CNGB1: variants seen among roughly 807,000 people sequenced by gnomAD.
CNGB1 encodes cyclic nucleotide-gated channel beta-1.
Under a neutral mutation model 151.7 loss-of-function variants are expected in CNGB1, and 126 were observed. That is an observed-to-expected ratio of 0.83 (90% CI 0.72 to 0.96). CNGB1 has a LOEUF of 0.96. Ranked by LOEUF, CNGB1 falls within the 40% of genes least tolerant of loss-of-function variation. CNGB1 has a pLI of 0.00. For synonymous variants in CNGB1, 623 were observed against 635.1 expected, an observed-to-expected ratio of 0.98 and a Z score of 0.29; for missense variants, 1,698 against 1,627.0, an observed-to-expected ratio of 1.04 and a Z score of -0.75.
intron 17 of CNGB1, among the ~76,000 whole-genome samples, chr16:57,928,625 A>G (rs1253053071): frequency 6.6e-6 from 1 of 152,070 alleles, no homozygotes; most frequent in African/African-American, 2.4e-5. Flanking sequence ...TGGTGTTTCC[A>G]TTATATTATC....
intron 17 of CNGB1, among the ~76,000 whole-genome samples, chr16:57,929,475 G>GA (rs1567382253): frequency 2.0e-4 from 25 of 126,418 alleles, no homozygotes; most frequent in African/African-American, 8.0e-4. Context: ...AAGAGAGAGA[G>GA]GGAGAGAGAG....
At chr16:57,941,357 C>T (rs1382182672) in intron 14 of CNGB1, among the ~76,000 whole-genome samples, 1 of 152,208 alleles carries the variant, frequency 6.6e-6, no homozygotes, top group African/African-American at 2.4e-5. Flanking sequence ...ATGCATCATT[C>T]TCTACCCAGA....
At position 57,903,808 on chromosome 16, in the gene CNGB1, C is replaced by T. The variant is rs184150317; in HGVS notation, c.2794+14G>A. 185 of 1,613,852 alleles carry T rather than the reference C, an allele frequency of 1.1e-4. 1 individual carries two copies. Among genetic ancestry groups the T allele is most frequent in the African/African-American group, 2.9e-4 (22 of 75,048 alleles). On this transcript the variant is annotated intron_variant, in intron 27 of 32. Coordinates refer to ENST00000251102, the MANE Select transcript of CNGB1 (RefSeq NM_001297.5). ...GACTGGGAGCTGGTGGCTGCCAGGG[C>T]GTGACCATCTTACCCAGCATGCCTT...
chr16:57,951,731 C>G (rs1961953026), intron 12 of CNGB1, among the ~76,000 whole-genome samples: 1 of 152,184 alleles, frequency 6.6e-6, no homozygotes, highest in African/African-American at 2.4e-5. Flanking sequence ...ATTTGCATCC[C>G]CATTTTATTT....
rs549756265 is a variant in CNGB1, at chr16:57,926,751, G to A, written c.1536-3371C>T. 7.9e-5 allele frequency among the ~76,000 whole-genome samples: 12 copies of A among 152,202 alleles called. No homozygotes were observed. In the South Asian group the frequency reaches 1.0e-3, roughly 13 times the overall value. On this transcript the variant is annotated intron_variant, in intron 17 of 32. Coordinates refer to ENST00000251102, the MANE Select transcript of CNGB1 (RefSeq NM_001297.5). ...TCCCAACACTTTGGGAGGCTGAGGC[G>A]GGCAGATCACTTGAGGTCAGGAGTT...
intron 13 of CNGB1, 56 bp from the exon 14 acceptor site, chr16:57,949,495 T>A: frequency 6.2e-7 from 1 of 1,610,010 alleles, no homozygotes; most frequent in Non-Finnish European, 8.5e-7. Context: ...CCGCTGAGTC[T>A]ACCTCCTGCC....
intron 12 of CNGB1, among the ~76,000 whole-genome samples, chr16:57,955,856 G>T (rs1367000054): frequency 1.3e-5 from 2 of 152,172 alleles, no homozygotes; most frequent in Non-Finnish European, 2.9e-5. Flanking sequence ...AGCCCCAGGA[G>T]GAGCCAACCC....
At chr16:57,932,831 C>T (rs1397195063) in intron 16 of CNGB1, among the ~76,000 whole-genome samples, 1 of 152,200 alleles carries the variant, frequency 6.6e-6, no homozygotes, top group Admixed American at 6.5e-5. Context: ...CCACCTGCCT[C>T]GGCCTCCCAA....
Position 57,897,486 on chromosome 16 carries a change from A to G in CNGB1, c.3153T>C (p.Phe1051=). ...RRTANVVAHG[F]TNLFILDKKD... is the part of the protein sequence containing the mutation. ...TCTTATCCAGGATGAAGAGGTTGGT[A>G]AACCCGTGCGCCACCACGTTGGCCG... is the stretch of plus-strand genomic sequence containing the variant. The change falls in exon 31 of 33, where the codon TTT becomes TTC. Residue 1051 remains phenylalanine, a synonymous_variant. Coordinates refer to ENST00000251102, the MANE Select transcript of CNGB1 (RefSeq NM_001297.5). The G allele has an allele frequency of 6.2e-7, 1 of 1,614,212 alleles. No homozygotes were observed. The highest frequency in any genetic ancestry group is 8.5e-7 in the Non-Finnish European group (1 of 1,180,036).
chr16:57,940,955 G>A (rs1961652529), intron 14 of CNGB1, among the ~76,000 whole-genome samples: 2 of 152,214 alleles, frequency 1.3e-5, no homozygotes, highest in African/African-American at 4.8e-5. Context: ...TGGGCAGGGA[G>A]GGCTGTGGCA....
chr16:57,948,077 C>G (rs1325425857), intron 14 of CNGB1, among the ~76,000 whole-genome samples: 1 of 152,136 alleles, frequency 6.6e-6, no homozygotes, highest in African/African-American at 2.4e-5. Context: ...CCATGGTGGT[C>G]AGAGACACAG....
chr16:57,917,764 C>T (rs1215023788), intron 20 of CNGB1, among the ~76,000 whole-genome samples: 1 of 151,030 alleles, frequency 6.6e-6, no homozygotes, highest in Non-Finnish European at 1.5e-5. Flanking sequence ...GAGTTTAAGA[C>T]CAGCCTGGAC....
chr16:57,908,962 C>T (rs437947), intron 25 of CNGB1, among the ~76,000 whole-genome samples: 4 of 152,106 alleles, frequency 2.6e-5, no homozygotes, highest in South Asian at 2.1e-4. Context: ...GGCAGGGGAG[C>T]GAGTGTCGCC....
intron 14 of CNGB1, among the ~76,000 whole-genome samples, chr16:57,948,540 T>A (rs1440060168): frequency 6.6e-6 from 1 of 151,988 alleles, no homozygotes; most frequent in East Asian, 1.9e-4. Context: ...CCTCAGTCCT[T>A]TTTGGTTCCT....
intron 16 of CNGB1, among the ~76,000 whole-genome samples, chr16:57,935,797 T>C (rs1961493578): frequency 6.6e-6 from 1 of 150,844 alleles, no homozygotes; most frequent in South Asian, 2.1e-4. Context: ...ATGATAGGGG[T>C]GGGCTGCTTT....
chr16:57,924,094 C>A (rs2149368367), intron 17 of CNGB1, among the ~76,000 whole-genome samples: 1 of 152,242 alleles, frequency 6.6e-6, no homozygotes, highest in East Asian at 1.9e-4. Context: ...GGTTCTTGCC[C>A]AACCTGCCTC....
chr16:57,955,175 G>C (rs1370934378), intron 12 of CNGB1: 3 of 1,505,324 alleles, frequency 2.0e-6, no homozygotes, highest in African/African-American at 2.8e-5. Flanking sequence ...GGTGACTCTG[G>C]CTCCCCTTGT....
intron 16 of CNGB1, 134 bp downstream of exon 16, chr16:57,939,296 G>T (rs1235438473): frequency 1.6e-6 from 2 of 1,240,530 alleles, no homozygotes; most frequent in Non-Finnish European, 2.3e-6. Context: ...CTGAAGACAG[G>T]GTGGCTGAGG....
intron 31 of CNGB1, among the ~76,000 whole-genome samples, chr16:57,888,308 T>C (rs866225290): frequency 3.9e-5 from 6 of 152,306 alleles, no homozygotes; most frequent in Middle Eastern, 3.4e-3. Context: ...ACCTTAGAGA[T>C]GAGGAAAATG....
Sources: allele counts gnomAD v4.1 joint callset (sites outside exome capture counted in the v4.1 genomes callset), GRCh38; gene constraint gnomAD v4.1.1; transcripts MANE v1.5; gene names NCBI Gene and HGNC (gene_info 2026-07-23, HGNC 2026-07-21).